The following OCLN variants were observed in gnomAD, a reference collection of about 807,000 sequenced individuals.
The protein encoded by OCLN is phosphatase 1, regulatory subunit 115.
OCLN carries 21 observed loss-of-function variants against 47.9 expected under a neutral mutation model. The observed-to-expected ratio is 0.44, with a 90% CI of 0.31 to 0.63. The LOEUF (loss-of-function observed/expected upper bound fraction) is 0.63. Ranked by LOEUF, OCLN falls within the 30% of genes least tolerant of loss-of-function variation. The probability of loss-of-function intolerance (pLI) is 0.08; values close to 1 mark genes in which losing one functional copy is unlikely to be tolerated. For synonymous variants in OCLN, 117 were observed against 198.4 expected (o/e 0.59, Z 3.45); for missense variants, 360 against 571.0 (o/e 0.63, Z 3.77).
intron 4 of OCLN, among the ~76,000 whole-genome samples, chr5:69,518,983 A>T (rs1417184942): frequency 6.6e-6 from 1 of 152,132 alleles, no homozygotes; most frequent in East Asian, 1.9e-4. Context: ...CAAAAAATTT[A>T]AAAAATTAGC....
intron 3 of OCLN, among the ~76,000 whole-genome samples, chr5:69,513,469 G>A (rs563121137): frequency 6.6e-6 from 1 of 152,280 alleles, no homozygotes; most frequent in African/African-American, 2.4e-5. Flanking sequence ...GTGTAAAAAG[G>A]CTTGCCAAGC....
chr5:69,518,583 G>A (rs1769042317), intron 4 of OCLN, among the ~76,000 whole-genome samples: 1 of 152,126 alleles, frequency 6.6e-6, no homozygotes, highest in Admixed American at 6.5e-5. Context: ...GATGTAGCCT[G>A]TTACTCTCAT....
chr5:69,532,710 G>A (rs1442832341), intron 4 of OCLN, among the ~76,000 whole-genome samples: 1 of 152,096 alleles, frequency 6.6e-6, no homozygotes, highest in Non-Finnish European at 1.5e-5. Flanking sequence ...GCTCACGCCT[G>A]TAATCCCAGC....
intron 1 of OCLN, among the ~76,000 whole-genome samples, chr5:69,495,074 A>G (rs1768253329): frequency 6.6e-6 from 1 of 152,160 alleles, no homozygotes; most frequent in African/African-American, 2.4e-5. Context: ...TCAAAATAGT[A>G]TATTACTTTT....
At chr5:69,509,001 C>A in intron 2 of OCLN, 140 bp from the exon 3 acceptor site, 1 of 747,724 alleles carries the variant, frequency 1.3e-6, no homozygotes, top group Non-Finnish European at 2.3e-6. Flanking sequence ...TATGTTTTAA[C>A]AAGCCCTCCA....
At chr5:69,516,598 A>T (rs941269713) in intron 4 of OCLN, among the ~76,000 whole-genome samples, 2 of 152,234 alleles carry the variant, frequency 1.3e-5, no homozygotes, top group Non-Finnish European at 2.9e-5. Flanking sequence ...TTCTGAGTTA[A>T]CATTATGAAA....
At chr5:69,532,081 C>T (rs73118806) in intron 4 of OCLN, among the ~76,000 whole-genome samples, 8,787 of 152,122 alleles carry the variant, frequency 0.058, 838 homozygotes, top group African/African-American at 0.2. Context: ...AAATGTGATA[C>T]CTTGTCACCT....
chr5:69,512,587 G>A (rs1768818038), intron 3 of OCLN, among the ~76,000 whole-genome samples: 1 of 152,172 alleles, frequency 6.6e-6, no homozygotes, highest in Non-Finnish European at 1.5e-5. Flanking sequence ...GGAAAAAAAT[G>A]CCAGCTAGGA....
intron 4 of OCLN, among the ~76,000 whole-genome samples, chr5:69,532,051 G>A (rs1769445661): frequency 6.6e-6 from 1 of 152,070 alleles, no homozygotes; most frequent in African/African-American, 2.4e-5. Flanking sequence ...AATTTTTACT[G>A]TGTTTAAAGG....
intron 1 of OCLN, among the ~76,000 whole-genome samples, chr5:69,500,239 C>T (rs1242492313): frequency 6.6e-6 from 1 of 152,154 alleles, no homozygotes; most frequent in Non-Finnish European, 1.5e-5. Context: ...TGGGAATCTG[C>T]CCACCCACAC....
chr5:69,505,873 G>C (rs1385713734), intron 2 of OCLN, among the ~76,000 whole-genome samples: 1 of 152,188 alleles, frequency 6.6e-6, no homozygotes, highest in Non-Finnish European at 1.5e-5. Context: ...CAGCAACCAA[G>C]TAATCAGTTC....
intron 2 of OCLN, among the ~76,000 whole-genome samples, chr5:69,508,665 G>C (rs2111971651): frequency 6.6e-6 from 1 of 152,262 alleles, no homozygotes; most frequent in East Asian, 1.9e-4. Context: ...TCAAGTGTAT[G>C]ATAGACCCAA....
intron 5 of OCLN, among the ~76,000 whole-genome samples, chr5:69,537,189 CTTTTTTTTTT>C (rs1157355945): frequency 1.1e-4 from 9 of 80,614 alleles, no homozygotes; most frequent in African/African-American, 2.7e-4. Context: ...ATTCTATAAG[CTTTTTTTTTT>C]TTTTTTTTTT....
chr5:69,502,398 T>C (rs980273309), intron 1 of OCLN: 2 of 152,182 alleles, frequency 1.3e-5, no homozygotes, highest in Non-Finnish European at 1.5e-5. Flanking sequence ...CTGATACTTT[T>C]CCGTTACCTT....
intron 2 of OCLN, among the ~76,000 whole-genome samples, chr5:69,505,880 G>C (rs1387994645): frequency 6.6e-6 from 1 of 152,188 alleles, no homozygotes; most frequent in African/African-American, 2.4e-5. Flanking sequence ...CAAGTAATCA[G>C]TTCTACAGTG....
At chr5:69,499,665 A>G (rs969160068) in intron 1 of OCLN, among the ~76,000 whole-genome samples, 6 of 151,540 alleles carry the variant, frequency 4.0e-5, no homozygotes, top group African/African-American at 1.5e-4. Context: ...GCTCACTGCA[A>G]CCTCCTCCTC....
intron 4 of OCLN, chr5:69,530,584 T>C (rs2112049080): frequency 6.6e-6 from 1 of 152,180 alleles, no homozygotes; most frequent in South Asian, 2.1e-4. Flanking sequence ...ACTGTTGGAG[T>C]CTGGCATCAG....
At chr5:69,528,973 AT>A (rs1160099549) in intron 4 of OCLN, among the ~76,000 whole-genome samples, 1 of 152,228 alleles carries the variant, frequency 6.6e-6, no homozygotes. Context: ...ATTTGCATAT[AT>A]TTTGCTTTTA....
intron 4 of OCLN, among the ~76,000 whole-genome samples, chr5:69,526,865 G>A (rs1358477821): frequency 1.3e-5 from 2 of 152,184 alleles, no homozygotes; most frequent in Admixed American, 6.5e-5. Flanking sequence ...ATGAATATCC[G>A]TGAATGGGGT....
Sources: gnomAD v4.1 joint callset for allele counts (sites outside exome capture counted in the v4.1 genomes callset) on GRCh38, gnomAD v4.1.1 for gene constraint, MANE v1.5 for transcripts, NCBI Gene and HGNC (gene_info 2026-07-23, HGNC 2026-07-21) for gene names.